The following RBM34 variants were observed in gnomAD, a reference collection of about 807,000 sequenced individuals.
RBM34 encodes the protein RNA-binding protein 34.
A neutral mutation model predicts 44.6 loss-of-function variants in RBM34; 39 were observed. The ratio of observed to expected loss-of-function variants is 0.87; its 90% CI spans 0.68 to 1.14. RBM34 has a LOEUF of 1.14. Among genes scored for constraint, RBM34 ranks in the 50% most tolerant of loss-of-function variants. The pLI is 0.00. For missense variants in RBM34, 572 were observed against 517.9 expected (o/e 1.10, Z -1.01); for synonymous variants, 194 against 184.0 (o/e 1.05, Z -0.44).
At position 235,131,505 on chromosome 1, in the gene RBM34, T is replaced by C. The variant is rs745819129; in HGVS notation, c.*208A>G. 1.7e-5 allele frequency: 9 copies of C among 538,638 alleles called. No homozygotes were observed. Among genetic ancestry groups the C allele is most frequent in the Non-Finnish European group, 2.5e-5 (8 of 326,418 alleles). The allele number at this position is 538,638 out of a possible 1,614,324, so 33.4% of individuals were successfully genotyped here. On this transcript the variant is annotated 3_prime_UTR_variant, in exon 11 of 11. Coordinates refer to ENST00000408888, the MANE Select transcript of RBM34 (RefSeq NM_015014.4). The stretch of plus-strand genomic sequence containing the variant: ...CCTGGGAGACAACAGCCAAACTCCA[T>C]CTCAAAAAACAAAACAAAAACAAAA...
chr1:235,138,156 A>T lies in RBM34; in HGVS notation c.720T>A (p.Asp240Glu), dbSNP rs1448536611. ...CAACATAGGCATTAATATTTTTCTG[A>T]TCAGGATGAATTTTACGTCTACACC... ...LAAIKRKIHP[D>E]QKNINAYVVF... Residue 240 changes from aspartate to glutamate, a missense_variant, in exon 7 of 11, where the codon GAT becomes GAA. Physicochemically the swap from Asp to Glu is conservative, Grantham distance 45. Coordinates refer to ENST00000408888, the MANE Select transcript of RBM34 (RefSeq NM_015014.4). 6.3e-7 allele frequency: 1 copy of T among 1,597,950 alleles called. No homozygotes were observed.
In RBM34 at chr1:235,131,637, C is replaced by T. The variant is rs1403234814; in HGVS notation, c.*76G>A. The T allele has an allele frequency of 6.9e-7, 1 of 1,455,672 alleles. No homozygotes were observed. Among genetic ancestry groups the T allele is most frequent in the Non-Finnish European group, 9.3e-7 (1 of 1,079,404 alleles). 90.2% of individuals were successfully genotyped at this position (1,455,672 alleles called of 1,614,324 possible). A position where few individuals can be genotyped will look rare whatever the true frequency, so the allele number is the denominator to read the frequency against. On this transcript the variant is annotated 3_prime_UTR_variant, in exon 11 of 11. Transcript: ENST00000408888. ...AGTATAAAACTCAACACATGAATAGCAGACGATGCTATCAGCAGATAATAG... is the reference window on the plus strand; with the variant it reads ...AGTATAAAACTCAACACATGAATAGTAGACGATGCTATCAGCAGATAATAG...
At chr1:235,143,609 G>A (rs897595198) in intron 6 of RBM34, among the ~76,000 whole-genome samples, 2 of 152,126 alleles carry the variant, frequency 1.3e-5, no homozygotes, top group African/African-American at 4.8e-5. Flanking sequence ...ATGGTGGTAT[G>A]TGTCTGTAAT....
rs1389619241 is a variant in RBM34, at chr1:235,160,580, G to A, written c.296C>T (p.Ser99Leu). The A allele has an allele frequency of 6.2e-7, 1 of 1,613,984 alleles. No homozygotes were observed. Among genetic ancestry groups the A allele is most frequent in the East Asian group, 2.2e-5 (1 of 44,870 alleles). ...TTTCACTTTTTTGGCAGGTTCTTGC[G>A]AAAGTGGTCTTTCAATCTGGGATGT... ...ESTSQIERPL[S>L]QEPAKKVKAK... Residue 99 changes from serine (S) to leucine (L), a missense_variant, in exon 3 of 11, where the codon TCG becomes TTG. Coordinates refer to ENST00000408888, the MANE Select transcript of RBM34 (RefSeq NM_015014.4).
intron 3 of RBM34, among the ~76,000 whole-genome samples, chr1:235,156,263 C>T (rs1164748862): frequency 6.6e-6 from 1 of 152,110 alleles, no homozygotes; most frequent in Non-Finnish European, 1.5e-5. Context: ...CTCAGCCTCC[C>T]AAAGTGCTAG....
intron 6 of RBM34, among the ~76,000 whole-genome samples, chr1:235,144,512 A>AG (rs1383671596): frequency 2.0e-5 from 3 of 151,888 alleles, no homozygotes; most frequent in Non-Finnish European, 4.4e-5. Context: ...AAAAAAAAAA[A>AG]AAAGGTTTTA....
chr1:235,135,961 A>C, intron 9 of RBM34, 73 bp downstream of exon 9: 1 of 1,344,274 alleles, frequency 7.4e-7, no homozygotes, highest in South Asian at 1.3e-5. Context: ...CAAAACATTA[A>C]GTTACTACTC....
At chr1:235,155,197 A>G in intron 3 of RBM34, 85 bp from the exon 4 acceptor site, 1 of 1,053,730 alleles carries the variant, frequency 9.5e-7, no homozygotes, top group Non-Finnish European at 1.4e-6. Context: ...TACCCTCCCG[A>G]CTAGAAATAT....
chr1:235,156,338 A>G (rs994587117), intron 3 of RBM34, among the ~76,000 whole-genome samples: 2 of 152,140 alleles, frequency 1.3e-5, no homozygotes, highest in Admixed American at 1.3e-4. Context: ...AACACGTTAA[A>G]TCTGCCATGC....
intron 6 of RBM34, among the ~76,000 whole-genome samples, chr1:235,142,385 TCTC>T (rs1413143051): frequency 6.6e-6 from 1 of 152,018 alleles, no homozygotes; most frequent in African/African-American, 2.4e-5. Context: ...TTCAAGTGAT[TCTC>T]CTGCTTCAGC....
intron 6 of RBM34, among the ~76,000 whole-genome samples, chr1:235,147,937 G>T (rs1304773261): frequency 6.6e-6 from 1 of 151,774 alleles, no homozygotes; most frequent in Non-Finnish European, 1.5e-5. Flanking sequence ...ACACTGAGTG[G>T]GAAACAAAAA....
chr1:235,153,323 T>C (rs1467387934), intron 4 of RBM34, among the ~76,000 whole-genome samples: 1 of 152,200 alleles, frequency 6.6e-6, no homozygotes, highest in East Asian at 1.9e-4. Flanking sequence ...TGTATGCTTT[T>C]CTTTCAATCT....
chr1:235,135,623 G>A (rs762780328), intron 10 of RBM34, 29 bp downstream of exon 10: 1 of 1,560,772 alleles, frequency 6.4e-7, no homozygotes, highest in South Asian at 1.1e-5. Flanking sequence ...CACTTCGAAG[G>A]ACAGTGACAA....
At chr1:235,142,852 C>T (rs547751279) in intron 6 of RBM34, among the ~76,000 whole-genome samples, 160 of 144,366 alleles carry the variant, frequency 1.1e-3, no homozygotes, top group African/African-American at 3.8e-3. Context: ...CAGTTGAACC[C>T]GGGAGGCGGA....
intron 6 of RBM34, 140 bp from the exon 7 acceptor site, chr1:235,138,314 T>C (rs941217228): frequency 4.8e-6 from 3 of 631,212 alleles, no homozygotes; most frequent in African/African-American, 3.7e-5. Flanking sequence ...TTTCATCTCT[T>C]TGAATAAATA....
Position 235,132,963 on chromosome 1 carries a change from T to C in RBM34, c.1009-966A>G, listed in dbSNP as rs537546491. On this transcript the variant is annotated intron_variant, in intron 10 of 10. Coordinates refer to ENST00000408888, the MANE Select transcript of RBM34 (RefSeq NM_015014.4). ...GCTACCAGGCAATTCTCATCAAGAGTCTTCAAAATGGTAACACATCTTAAC... is the reference window on the plus strand; with the variant it reads ...GCTACCAGGCAATTCTCATCAAGAGCCTTCAAAATGGTAACACATCTTAAC... Among the ~76,000 whole-genome samples the C allele has an allele frequency of 5.9e-5, 9 of 151,828 alleles. 1 individual carries two copies. In the South Asian group the frequency reaches 1.9e-3, roughly 32 times the overall value.
intron 4 of RBM34, among the ~76,000 whole-genome samples, chr1:235,153,698 T>G (rs866957331): frequency 2.0e-5 from 3 of 152,188 alleles, no homozygotes; most frequent in Non-Finnish European, 2.9e-5. Context: ...AGTGCTGGGA[T>G]TACAGGTGTG....
intron 6 of RBM34, among the ~76,000 whole-genome samples, chr1:235,142,088 A>G (rs1314789537): frequency 1.3e-5 from 2 of 152,098 alleles, no homozygotes; most frequent in African/African-American, 4.8e-5. Context: ...GAGTCCAGCT[A>G]CCGGGGGAGA....
intron 3 of RBM34, among the ~76,000 whole-genome samples, chr1:235,158,579 A>G (rs1243645387): frequency 6.6e-6 from 1 of 152,192 alleles, no homozygotes; most frequent in Non-Finnish European, 1.5e-5. Context: ...CTGCTCTAAG[A>G]AAGAGGGGAA....
Sources: allele counts gnomAD v4.1 joint callset (sites outside exome capture counted in the v4.1 genomes callset), GRCh38; gene constraint gnomAD v4.1.1; transcripts MANE v1.5; gene names NCBI Gene and HGNC (gene_info 2026-07-23, HGNC 2026-07-21).